Variants in BMP5 observed in about 807,000 individuals in gnomAD.
BMP5 encodes the protein bone morphogenetic protein 5.
BMP5 carries 23 observed loss-of-function variants against 46.6 expected under a neutral mutation model. The ratio of observed to expected loss-of-function variants is 0.49; its 90% confidence interval spans 0.35 to 0.70. The LOEUF (loss-of-function observed/expected upper bound fraction) is 0.70, where lower values mean the gene tolerates loss of function less well. BMP5 is among the 30% of genes least tolerant of loss of function. BMP5 has a pLI of 0.00. For missense variants in BMP5, 545 were observed against 565.6 expected, an observed-to-expected ratio of 0.96 and a Z score of 0.37; for synonymous variants, 204 against 191.9, an observed-to-expected ratio of 1.06 and a Z score of -0.52.
At chr6:55,800,225 CATA>C (rs1168610335) in intron 2 of BMP5, among the ~76,000 whole-genome samples, 3 of 152,016 alleles carry the variant, frequency 2.0e-5, no homozygotes, top group Non-Finnish European at 4.4e-5. Flanking sequence ...GTGATAAAGG[CATA>C]ATGTCAAAGA....
At chr6:55,758,468 G>A (rs1005829233) in intron 6 of BMP5, among the ~76,000 whole-genome samples, 1 of 151,878 alleles carries the variant, frequency 6.6e-6, no homozygotes. Context: ...TTCTGAGATT[G>A]AGGAATAAAG....
rs113244352 is a variant in BMP5 at position 55,756,409 on chromosome 6, AG to A, written c.1216-728del. Reference sequence around the variant, plus strand: ...CATCCACCTCCCCAAAAGCCTAAAAAGGTGTCTGTACATGAAAAGTGAAATG... The same window carrying A: ...CATCCACCTCCCCAAAAGCCTAAAAAGTGTCTGTACATGAAAAGTGAAATG... On this transcript the variant is annotated intron_variant, in intron 6 of 6. Transcript: ENST00000370830. 9.4e-3 allele frequency among the ~76,000 whole-genome samples: 1,433 copies of A among 152,080 alleles called. 19 individuals carry two copies. Among genetic ancestry groups the A allele is most frequent in the African/African-American group, 0.033 (1,351 of 41,524 alleles).
At chr6:55,784,993 G>T (rs181379387) in intron 3 of BMP5, among the ~76,000 whole-genome samples, 1 of 151,930 alleles carries the variant, frequency 6.6e-6, no homozygotes, top group East Asian at 1.9e-4. Flanking sequence ...TTCATTTAAA[G>T]AGCTTAGCAA....
intron 1 of BMP5, among the ~76,000 whole-genome samples, chr6:55,859,970 GACA>G (rs538373505): frequency 2.5e-3 from 385 of 152,284 alleles, no homozygotes; most frequent in South Asian, 0.015. Context: ...CAAAATTTCA[GACA>G]ACACCTCTGA....
intron 6 of BMP5, among the ~76,000 whole-genome samples, chr6:55,757,348 C>T (rs1032663024): frequency 6.6e-6 from 1 of 151,872 alleles, no homozygotes; most frequent in Admixed American, 6.6e-5. Context: ...AATTAAATAG[C>T]ATTACTTCAA....
chr6:55,781,467 A>G (rs1775315578), intron 3 of BMP5, among the ~76,000 whole-genome samples: 1 of 152,078 alleles, frequency 6.6e-6, no homozygotes, highest in African/African-American at 2.4e-5. Flanking sequence ...AACACATTTT[A>G]GTTTGTTTCA....
At chr6:55,790,721 A>G (rs1775555802) in intron 3 of BMP5, among the ~76,000 whole-genome samples, 2 of 152,152 alleles carry the variant, frequency 1.3e-5, no homozygotes, top group South Asian at 2.1e-4. Flanking sequence ...ATCACTTCGC[A>G]TACTTCCATG....
chr6:55,861,315 C>T lies in BMP5; in HGVS notation c.490+13061G>A, dbSNP rs2021804. Among the ~76,000 whole-genome samples, 1,214 of 152,340 alleles carry T rather than the reference C, an allele frequency of 8.0e-3. 20 individuals are homozygous for T. The highest frequency in any genetic ancestry group is 0.027 in the African/African-American group (1,131 of 41,578). On this transcript the variant is annotated intron_variant, in intron 1 of 6. Transcript: ENST00000370830. ...ATGGCAGCCCTGCTTATATGGCCTT[C>T]TAGACCGGCCAGCAGGTTGGAAATC...
At chr6:55,805,530 CCACGTCTT>C (rs1321214649) in intron 2 of BMP5, among the ~76,000 whole-genome samples, 1 of 151,718 alleles carries the variant, frequency 6.6e-6, no homozygotes, top group Non-Finnish European at 1.5e-5. Context: ...TGAGTTAGTT[CCACGTCTT>C]TGCTTTATAG....
chr6:55,817,040 C>A (rs1043396645), intron 2 of BMP5, among the ~76,000 whole-genome samples: 8 of 152,152 alleles, frequency 5.3e-5, no homozygotes, highest in African/African-American at 1.9e-4. Context: ...CAAATCAAAA[C>A]CACAATGAGA....
chr6:55,851,797 T>TA (rs570375776), intron 1 of BMP5, among the ~76,000 whole-genome samples: 44 of 152,068 alleles, frequency 2.9e-4, no homozygotes, highest in African/African-American at 6.3e-4. Context: ...CACCTGATAA[T>TA]AAAAAAAATC....
intron 3 of BMP5, among the ~76,000 whole-genome samples, chr6:55,790,657 G>C (rs1333988500): frequency 3.9e-5 from 6 of 152,152 alleles, no homozygotes; most frequent in Non-Finnish European, 8.8e-5. Context: ...TTTTGACATA[G>C]TGTGCATTTA....
chr6:55,841,600 GTGTTTGTTTGTT>G, intron 1 of BMP5, among the ~76,000 whole-genome samples: 1 of 150,750 alleles, frequency 6.6e-6, no homozygotes, highest in South Asian at 2.1e-4. Flanking sequence ...TCTGGTGGTG[GTGTTTGTTTGTT>G]TGTTTGTTTG....
Position 55,818,300 on chromosome 6 carries a change from A to G in BMP5, c.683+1355T>C, listed in dbSNP as rs544254962. ...CTAATTTGCAAAGCCACTCAAAATGACAAACATAAGTGATCTGATTATTAT... is the reference window on the plus strand; with the variant it reads ...CTAATTTGCAAAGCCACTCAAAATGGCAAACATAAGTGATCTGATTATTAT... On this transcript the variant is annotated intron_variant, in intron 2 of 6. Coordinates refer to ENST00000370830, the MANE Select transcript of BMP5 (RefSeq NM_021073.4). 5.4e-4 allele frequency among the ~76,000 whole-genome samples: 82 copies of G among 152,072 alleles called. 1 individual carries two copies. The South Asian group carries it at 0.017, about 31-fold the overall frequency.
At chr6:55,861,528 T>C (rs948741371) in intron 1 of BMP5, among the ~76,000 whole-genome samples, 3 of 152,238 alleles carry the variant, frequency 2.0e-5, no homozygotes, top group African/African-American at 7.2e-5. Context: ...CACTCCTCAT[T>C]ACTGACCAAT....
At chr6:55,782,131 A>G (rs1010916764) in intron 3 of BMP5, among the ~76,000 whole-genome samples, 4 of 152,150 alleles carry the variant, frequency 2.6e-5, no homozygotes, top group Admixed American at 2.6e-4. Context: ...CACATTTTGA[A>G]TGCTGCTACC....
chr6:55,840,566 TATC>T (rs1376895934), intron 1 of BMP5, among the ~76,000 whole-genome samples: 1 of 152,220 alleles, frequency 6.6e-6, no homozygotes, highest in African/African-American at 2.4e-5. Context: ...CAGCATTTCT[TATC>T]ATATAGGTTG....
intron 2 of BMP5, among the ~76,000 whole-genome samples, chr6:55,819,454 G>A (rs1175240880): frequency 3.3e-5 from 5 of 152,144 alleles, no homozygotes; most frequent in African/African-American, 1.2e-4. Flanking sequence ...TTGGTGTCAG[G>A]AGTAGGGAGC....
intron 1 of BMP5, among the ~76,000 whole-genome samples, chr6:55,858,603 A>G (rs185302837): frequency 1.3e-5 from 2 of 152,372 alleles, no homozygotes; most frequent in East Asian, 3.9e-4. Context: ...GTAAAATAAT[A>G]CTAACGTTTA....
Sources: allele counts gnomAD v4.1 joint callset (sites outside exome capture counted in the v4.1 genomes callset), GRCh38; gene constraint gnomAD v4.1.1; transcripts MANE v1.5; gene names NCBI Gene and HGNC (gene_info 2026-07-23, HGNC 2026-07-21).